The following PDE11A variants were observed in gnomAD, a reference collection of about 807,000 sequenced individuals.
PDE11A encodes the protein dual 3',5'-cyclic-AMP and -GMP phosphodiesterase 11A.
A neutral mutation model predicts 100.5 loss-of-function variants in PDE11A; 100 were observed. The ratio of observed to expected loss-of-function variants is 1.00; its 90% confidence interval spans 0.85 to 1.18. The LOEUF (loss-of-function observed/expected upper bound fraction) is 1.18. Ranked by LOEUF, PDE11A falls within the 50% of genes most tolerant of loss-of-function variation. PDE11A has a pLI of 0.00. For synonymous variants in PDE11A, 381 were observed against 420.8 expected, an observed-to-expected ratio of 0.91 and a Z score of 1.16; for missense variants, 1,141 against 1,152.6, an observed-to-expected ratio of 0.99 and a Z score of 0.15.
chr2:178,077,459 T>C (rs879190319), upstream of PDE11A, among the ~76,000 whole-genome samples: 2 of 152,112 alleles, frequency 1.3e-5, no homozygotes, highest in Admixed American at 1.3e-4. Flanking sequence ...CAGTATATTT[T>C]ACTGCAGAAA....
chr2:177,696,214 A>G (rs1441584938), intron 15 of PDE11A, among the ~76,000 whole-genome samples: 2 of 152,216 alleles, frequency 1.3e-5, no homozygotes, highest in East Asian at 3.9e-4. Flanking sequence ...GGAGGTCTAC[A>G]GTGTGAGGAA....
intron 1 of PDE11A, among the ~76,000 whole-genome samples, chr2:178,062,317 T>C (rs1022817063): frequency 6.8e-6 from 1 of 147,222 alleles, no homozygotes; most frequent in Non-Finnish European, 1.5e-5. Flanking sequence ...CTGACTCCAG[T>C]CTCATATACC....
chr2:178,005,404 C>T (rs1574336555), intron 2 of PDE11A, among the ~76,000 whole-genome samples: 1 of 152,260 alleles, frequency 6.6e-6, no homozygotes, highest in African/African-American at 2.4e-5. Context: ...AATCCCAGCA[C>T]TCTGGGAGGC....
At chr2:177,639,427 G>C (rs527307373) in intron 19 of PDE11A, among the ~76,000 whole-genome samples, 1 of 152,036 alleles carries the variant, frequency 6.6e-6, no homozygotes, top group Non-Finnish European at 1.5e-5. Context: ...TTCAACATCT[G>C]GCACAGTGAC....
intron 4 of PDE11A, among the ~76,000 whole-genome samples, chr2:177,881,341 G>GTCTATCTATCTATCTA (rs56769555): frequency 9.8e-4 from 144 of 147,630 alleles, no homozygotes; most frequent in East Asian, 1.8e-3. Context: ...TCATCTATCT[G>GTCTATCTATCTATCTA]TCTATCTATC....
intron 2 of PDE11A, among the ~76,000 whole-genome samples, chr2:178,090,729 C>T (rs917625473): frequency 1.3e-5 from 2 of 152,216 alleles, no homozygotes; most frequent in Non-Finnish European, 2.9e-5. Flanking sequence ...TACATATTTG[C>T]AAACCTAACT....
intron 1 of PDE11A, among the ~76,000 whole-genome samples, chr2:178,107,711 CTTTT>C (rs772556248): frequency 7.0e-6 from 1 of 142,654 alleles, no homozygotes; most frequent in Non-Finnish European, 1.5e-5. Context: ...TTAACAATTC[CTTTT>C]TTTTTCTTTT....
intron 6 of PDE11A, among the ~76,000 whole-genome samples, chr2:177,823,900 G>T (rs1016787574): frequency 6.6e-6 from 1 of 152,162 alleles, no homozygotes; most frequent in African/African-American, 2.4e-5. Context: ...GACAACAGTA[G>T]CTCCTGTCTA....
intron 2 of PDE11A, among the ~76,000 whole-genome samples, chr2:177,970,175 T>C (rs544823331): frequency 6.6e-6 from 1 of 152,134 alleles, no homozygotes; most frequent in African/African-American, 2.4e-5. Context: ...TGAGACTCAA[T>C]CCTGAAACCA....
intron 9 of PDE11A, among the ~76,000 whole-genome samples, chr2:177,778,864 G>T (rs930896720): frequency 6.6e-6 from 1 of 152,064 alleles, no homozygotes; most frequent in African/African-American, 2.4e-5. Flanking sequence ...TGTTCAAAAG[G>T]TACTTCAGAT....
At chr2:178,063,435 G>A (rs1214505182) in intron 1 of PDE11A, among the ~76,000 whole-genome samples, 3 of 152,090 alleles carry the variant, frequency 2.0e-5, no homozygotes, top group Non-Finnish European at 2.9e-5. Context: ...CCCTAGAAAC[G>A]GGAGGCATGG....
At chr2:177,843,577 C>A (rs145287966) in intron 5 of PDE11A, among the ~76,000 whole-genome samples, 39 of 152,240 alleles carry the variant, frequency 2.6e-4, no homozygotes, top group African/African-American at 8.7e-4. Flanking sequence ...CACTCTAAAT[C>A]TAAAACATGC....
At chr2:177,705,586 C>T (rs2081266338) in intron 13 of PDE11A, among the ~76,000 whole-genome samples, 1 of 152,166 alleles carries the variant, frequency 6.6e-6, no homozygotes, top group Non-Finnish European at 1.5e-5. Context: ...TGGCACTTTG[C>T]ACAGGCACCA....
In PDE11A at chr2:177,829,906, A is replaced by G. The variant is rs375197869; in HGVS notation, c.1501-9611T>C. 1.6e-3 allele frequency among the ~76,000 whole-genome samples: 239 copies of G among 152,302 alleles called. 2 individuals are homozygous for G. Among genetic ancestry groups the G allele is most frequent in the African/African-American group, 5.5e-3 (230 of 41,568 alleles). ...GTCACTTCCCTGGTGATGTTACGTT[A>G]CATGGCAAAGACGATGGGATAATCA... On this transcript the variant is annotated intron_variant, in intron 6 of 19. Transcript: ENST00000286063.
At chr2:177,676,337 G>C (rs2080773169) in intron 16 of PDE11A, among the ~76,000 whole-genome samples, 1 of 152,234 alleles carries the variant, frequency 6.6e-6, no homozygotes, top group African/African-American at 2.4e-5. Context: ...ATAACCAGCA[G>C]AATGTGATGA....
chr2:178,008,488 C>T (rs1034961002), intron 2 of PDE11A, among the ~76,000 whole-genome samples: 2 of 152,154 alleles, frequency 1.3e-5, no homozygotes, highest in Non-Finnish European at 2.9e-5. Flanking sequence ...TCTTCTGGGG[C>T]CATCAATTTG....
intron 4 of PDE11A, among the ~76,000 whole-genome samples, chr2:177,884,976 T>C (rs753182583): frequency 3.3e-5 from 5 of 152,082 alleles, no homozygotes; most frequent in Non-Finnish European, 5.9e-5. Context: ...ATTGGCTAAA[T>C]AGGAAATATC....
At chr2:177,984,887 G>A (rs371048969) in intron 2 of PDE11A, among the ~76,000 whole-genome samples, 131 of 152,318 alleles carry the variant, frequency 8.6e-4, no homozygotes, top group African/African-American at 3.0e-3. Flanking sequence ...TTGAAGCATG[G>A]TGGTTAACAG....
chr2:177,760,649 G>A (rs192204300), intron 10 of PDE11A, among the ~76,000 whole-genome samples: 2 of 152,202 alleles, frequency 1.3e-5, no homozygotes, highest in East Asian at 3.9e-4. Flanking sequence ...GAGGAAACCT[G>A]GAGCCTAGAA....
Sources: allele counts gnomAD v4.1 joint callset (sites outside exome capture counted in the v4.1 genomes callset), GRCh38; gene constraint gnomAD v4.1.1; transcripts MANE v1.5; gene names NCBI Gene and HGNC (gene_info 2026-07-23, HGNC 2026-07-21).